Variants in KCNIP3 observed in about 807,000 individuals in gnomAD.
KCNIP3 encodes calsenilin.
Under a neutral mutation model 35.0 loss-of-function variants are expected in KCNIP3, and 28 were observed. The ratio of observed to expected loss-of-function variants is 0.80; its 90% CI spans 0.59 to 1.10. The LOEUF is 1.10. KCNIP3 is among the 50% of genes least tolerant of loss of function. The pLI, the probability that KCNIP3 is intolerant of heterozygous loss-of-function variation, is 0.00. For synonymous variants in KCNIP3, 134 were observed against 133.8 expected, an observed-to-expected ratio of 1.00 and a Z score of -0.01; for missense variants, 295 against 338.4, an observed-to-expected ratio of 0.87 and a Z score of 1.01.
At chr2:95,345,311 G>A (rs553734101) in intron 2 of KCNIP3, among the ~76,000 whole-genome samples, 1 of 152,316 alleles carries the variant, frequency 6.6e-6, no homozygotes, top group African/African-American at 2.4e-5. Flanking sequence ...TTCCTCCCCC[G>A]TAAAATGGAG....
At chr2:95,367,958 C>T (rs549283890) in intron 2 of KCNIP3, among the ~76,000 whole-genome samples, 4 of 152,202 alleles carry the variant, frequency 2.6e-5, no homozygotes, top group African/African-American at 9.6e-5. Flanking sequence ...GACAGGGTTT[C>T]GCCATGTTGG....
intron 2 of KCNIP3, among the ~76,000 whole-genome samples, chr2:95,315,100 G>A (rs1573484070): frequency 2.0e-5 from 3 of 152,234 alleles, no homozygotes; most frequent in Admixed American, 2.0e-4. Context: ...TCTGTTGCTT[G>A]GGATCTATGG....
intron 2 of KCNIP3, among the ~76,000 whole-genome samples, chr2:95,321,034 CACCCCCAGCCTCTCCTCCCCA>C (rs1678583718): frequency 7.3e-6 from 1 of 137,894 alleles, no homozygotes; most frequent in African/African-American, 2.9e-5. Flanking sequence ...CTCCTCCCCA[CACCCCCAGCCTCTCCTCCCCA>C]CACCCCAAGC....
At chr2:95,359,997 C>T (rs1679752226) in intron 2 of KCNIP3, among the ~76,000 whole-genome samples, 4 of 152,220 alleles carry the variant, frequency 2.6e-5, no homozygotes, top group Admixed American at 2.0e-4. Context: ...TTGGAATATC[C>T]TGAAATGCCT....
chr2:95,301,874 G>GTGTGTT (rs1440788191), intron 1 of KCNIP3, among the ~76,000 whole-genome samples: 1 of 152,130 alleles, frequency 6.6e-6, no homozygotes, highest in African/African-American at 2.4e-5. Context: ...GTGTGTGTGT[G>GTGTGTT]TGCGCGCTCA....
At chr2:95,314,744 G>C (rs2104216419) in intron 2 of KCNIP3, among the ~76,000 whole-genome samples, 1 of 152,364 alleles carries the variant, frequency 6.6e-6, no homozygotes, top group Non-Finnish European at 1.5e-5. Context: ...TCCTGCTGGG[G>C]ACCCATTCTC....
At chr2:95,375,695 G>A (rs1271933166) in intron 5 of KCNIP3, among the ~76,000 whole-genome samples, 1 of 152,204 alleles carries the variant, frequency 6.6e-6, no homozygotes, top group Non-Finnish European at 1.5e-5. Flanking sequence ...AAAGCCTGGT[G>A]TTACCCACTG....
rs957250790 is a variant in KCNIP3 at position 95,316,642 on chromosome 2, T to G, written c.181+6122T>G. On this transcript the variant is annotated intron_variant, in intron 2 of 8. Transcript: ENST00000295225. ...TGGAAGCGGAGAGTGGTGGTCCCCA[T>G]GTCAGGAAGGCAGCACTCACAGAAG... Among the ~76,000 whole-genome samples the G allele has an allele frequency of 4.6e-5, 7 of 152,278 alleles. 1 individual carries two copies. The highest frequency in any genetic ancestry group is 1.7e-4 in the African/African-American group (7 of 41,558).
rs145510115 is a variant in KCNIP3, at chr2:95,382,726, C to A, written c.660+245C>A. 1.7e-4 allele frequency among the ~76,000 whole-genome samples: 26 copies of A among 152,310 alleles called. No individual in the cohort carries two copies. In the East Asian group the frequency reaches 4.8e-3, roughly 28 times the overall value. On this transcript the variant is annotated intron_variant, in intron 7 of 8. Transcript: ENST00000295225. This position sits in a 1 kb window ranked among gnomAD's most constrained non-coding sequence, Gnocchi z 4.5. ...GGATCCTGAGGCAGCTGACCCTGGG[C>A]CGGAGCTCCATGCCTCCTGAGAGCT...
At chr2:95,349,603 G>A (rs1363087939) in intron 2 of KCNIP3, among the ~76,000 whole-genome samples, 2 of 152,190 alleles carry the variant, frequency 1.3e-5, no homozygotes, top group Non-Finnish European at 2.9e-5. Context: ...ATGGACAAGG[G>A]GGCTGAGCCC....
chr2:95,375,504 G>A (rs1406538188), intron 5 of KCNIP3, among the ~76,000 whole-genome samples: 3 of 152,016 alleles, frequency 2.0e-5, no homozygotes, highest in South Asian at 2.1e-4. Flanking sequence ...GTGACCCAGC[G>A]GGAATTTGCA....
intron 2 of KCNIP3, among the ~76,000 whole-genome samples, chr2:95,324,474 C>T (rs1218624155): frequency 6.6e-6 from 1 of 151,194 alleles, no homozygotes; most frequent in East Asian, 1.9e-4. Flanking sequence ...GATTGCGCCA[C>T]TGCACTCCAG....
intron 2 of KCNIP3, among the ~76,000 whole-genome samples, chr2:95,337,769 G>A (rs1362737376): frequency 6.6e-6 from 1 of 152,188 alleles, no homozygotes; most frequent in African/African-American, 2.4e-5. Context: ...CAGTCCTTCT[G>A]CCGCTACCTC....
chr2:95,314,159 GA>G (rs1678396848), intron 2 of KCNIP3, among the ~76,000 whole-genome samples: 1 of 152,162 alleles, frequency 6.6e-6, no homozygotes, highest in African/African-American at 2.4e-5. Flanking sequence ...TCCTGGGAAA[GA>G]GGGGTAGCAG....
intron 2 of KCNIP3, among the ~76,000 whole-genome samples, chr2:95,358,193 G>A (rs1679704855): frequency 6.6e-6 from 1 of 152,218 alleles, no homozygotes; most frequent in African/African-American, 2.4e-5. Context: ...GGAGGCCTAT[G>A]AGGGGCTTTG....
At chr2:95,352,914 A>T (rs1318498898) in intron 2 of KCNIP3, among the ~76,000 whole-genome samples, 1 of 152,226 alleles carries the variant, frequency 6.6e-6, no homozygotes, top group Non-Finnish European at 1.5e-5. Context: ...ACCCTGCAGG[A>T]GGCCTCCAGT....
At chr2:95,367,572 A>T (rs541622263) in intron 2 of KCNIP3, among the ~76,000 whole-genome samples, 2 of 152,296 alleles carry the variant, frequency 1.3e-5, no homozygotes, top group South Asian at 4.1e-4. Context: ...AGTTTTTGGC[A>T]TACGGATTAT....
At chr2:95,335,276 T>G (rs1231394576) in intron 2 of KCNIP3, among the ~76,000 whole-genome samples, 1 of 152,262 alleles carries the variant, frequency 6.6e-6, no homozygotes, top group Non-Finnish European at 1.5e-5. Flanking sequence ...TAATGATATA[T>G]TCTCACAATT....
Position 95,377,578 on chromosome 2 carries a change from T to G in KCNIP3, c.447+2370T>G, listed in dbSNP as rs1032479487. 6.6e-6 allele frequency among the ~76,000 whole-genome samples: 1 copy of G among 152,276 alleles called. No homozygotes were observed. Among genetic ancestry groups the G allele is most frequent in the Non-Finnish European group, 1.5e-5 (1 of 68,048 alleles). On this transcript the variant is annotated intron_variant, in intron 5 of 8. Transcript: ENST00000295225. This position sits in a 1 kb window ranked among gnomAD's most constrained non-coding sequence, Gnocchi z 4.7. ...ACAGCCGTAGAACAGAGGCTGTGGA[T>G]GTGACAGGGTTCCTACACTTTGGCA...
Sources: allele counts gnomAD v4.1 joint callset (sites outside exome capture counted in the v4.1 genomes callset), GRCh38; gene constraint gnomAD v4.1.1; non-coding constraint Gnocchi (gnomAD v3.1); transcripts MANE v1.5; gene names NCBI Gene and HGNC (gene_info 2026-07-23, HGNC 2026-07-21).